The following APC variants were observed in gnomAD, a reference collection of about 807,000 sequenced individuals.
APC encodes APC regulator of Wnt signaling pathway.
A neutral mutation model predicts 247.0 loss-of-function variants in APC; 72 were observed. That is an observed-to-expected ratio of 0.29 (90% CI 0.24 to 0.35). APC has a LOEUF of 0.35. Ranked by LOEUF, APC falls within the 10% of genes least tolerant of loss-of-function variation. The pLI, the probability that APC is intolerant of heterozygous loss-of-function variation, is 1.00. For synonymous variants in APC, 1,254 were observed against 1,162.5 expected (o/e 1.08, Z -1.60); for missense variants, 3,400 against 3,360.7 (o/e 1.01, Z -0.29).
In APC at chr5:112,841,206, A is replaced by G; in HGVS notation, c.5612A>G (p.Asp1871Gly). 6.2e-7 allele frequency: 1 copy of G among 1,613,928 alleles called. No individual in the cohort carries two copies. Among genetic ancestry groups the G allele is most frequent in the Non-Finnish European group, 8.5e-7 (1 of 1,179,862 alleles). The change falls in exon 16 of 16, where the codon GAT (aspartate) becomes GGT (glycine). Residue 1871 changes from aspartate (D) to glycine (G), a missense_variant. Physicochemically the swap from Asp to Gly is moderately conservative, Grantham distance 94 (BLOSUM62 -1). Around this residue, in one of 9 missense-constraint regions of APC, gnomAD observed 1,788 missense variants for 1,649.5 expected, o/e 1.08. Transcript: ENST00000257430. The surrounding 1 kb of genome is among the most constrained non-coding windows in gnomAD (Gnocchi z 4.6). ...SLSSLDFDDD[D>G]VDLSREKAEL... is the part of the protein sequence containing the mutation. The stretch of plus-strand genomic sequence containing the variant: ...AGTTCTCTAGATTTTGATGATGATG[A>G]TGTTGACCTTTCCAGGGAAAAGGCT...
intron 10 of APC, among the ~76,000 whole-genome samples, chr5:112,820,368 G>C (rs1009306161): frequency 6.6e-6 from 1 of 152,144 alleles, no homozygotes; most frequent in Non-Finnish European, 1.5e-5. Context: ...GGATAAGAAA[G>C]GCCAGGTGTG....
chr5:112,744,746 G>A lies in APC; in HGVS notation c.-19+6821G>A, dbSNP rs531790731. ...GAGGAAAGTGAGGAGAGACTTACTT[G>A]AGGAAGGTTATCTTGGAACTTAATA... On this transcript the variant is annotated intron_variant, in intron 1 of 15. Coordinates refer to ENST00000257430, the MANE Select transcript of APC (RefSeq NM_000038.6). Among the ~76,000 whole-genome samples, 33 of 152,334 alleles carry A rather than the reference G, an allele frequency of 2.2e-4. No homozygotes were observed. The East Asian group carries it at 5.0e-3, about 23-fold the overall frequency.
upstream of APC, among the ~76,000 whole-genome samples, chr5:112,737,642 G>C (rs1302545937): frequency 6.6e-6 from 1 of 152,256 alleles, no homozygotes; most frequent in East Asian, 1.9e-4. Flanking sequence ...GCTTGCTGGG[G>C]ACTGGGGCCG....
At position 112,814,466 on chromosome 5, in the gene APC, G is replaced by A. The variant is rs1003268058; in HGVS notation, c.835-1029G>A. 1.5e-4 allele frequency among the ~76,000 whole-genome samples: 23 copies of A among 152,080 alleles called. 1 individual carries two copies. Among genetic ancestry groups the A allele is most frequent in the Admixed American group, 1.5e-3 (23 of 15,266 alleles). ...AGCTTGACACCTCCAAGTTGTCCTC[G>A]ACTCCCAGCCCCTCTTTACTCACAT... On this transcript the variant is annotated intron_variant, in intron 8 of 15. Transcript: ENST00000257430.
intron 3 of APC, among the ~76,000 whole-genome samples, chr5:112,766,977 T>C (rs1756405381): frequency 6.6e-6 from 1 of 152,186 alleles, no homozygotes; most frequent in African/African-American, 2.4e-5. Context: ...AGGAAGTACA[T>C]TTTATCTAAT....
In APC at chr5:112,840,500, G is replaced by T. The variant is rs730882128; in HGVS notation, c.4906G>T (p.Asp1636Tyr). 15 of 1,614,040 alleles carry T rather than the reference G, an allele frequency of 9.3e-6. No individual in the cohort carries two copies. Among genetic ancestry groups the T allele is most frequent in the Non-Finnish European group, 1.1e-5 (13 of 1,180,028 alleles). The change falls in exon 16 of 16, where the codon GAT becomes TAT. Residue 1636 changes from aspartate to tyrosine, a missense_variant. Asp to Tyr is a radical substitution (Grantham distance 160, BLOSUM62 -3). Around this residue, in one of 9 missense-constraint regions of APC, gnomAD observed 1,788 missense variants for 1,649.5 expected, o/e 1.08. Transcript: ENST00000257430. The surrounding 1 kb of genome is among the most constrained non-coding windows in gnomAD (Gnocchi z 4.1). ...PQKHVSFTPG[D>Y]DMPRVYCVEG... ...AAAGCATGTTAGTTTTACACCGGGG[G>T]ATGATATGCCACGGGTGTATTGTGT...
intron 1 of APC, among the ~76,000 whole-genome samples, chr5:112,714,152 T>C (rs1751025468): frequency 6.6e-6 from 1 of 152,210 alleles, no homozygotes; most frequent in South Asian, 2.1e-4. Context: ...AATAGAGTTG[T>C]GGTTCCCCTT....
At chr5:112,773,153 A>G (rs944082029) in intron 4 of APC, among the ~76,000 whole-genome samples, 2 of 152,212 alleles carry the variant, frequency 1.3e-5, no homozygotes, top group South Asian at 2.1e-4. Context: ...AGGTTGCCAC[A>G]TAAGAACAAA....
intron 8 of APC, among the ~76,000 whole-genome samples, chr5:112,814,862 G>A (rs1762335288): frequency 6.6e-6 from 1 of 152,218 alleles, no homozygotes; most frequent in Non-Finnish European, 1.5e-5. Flanking sequence ...CCTTTGCACA[G>A]TCTCCTCCGT....
At chr5:112,766,108 A>G (rs762985685) in intron 2 of APC, among the ~76,000 whole-genome samples, 9 of 152,116 alleles carry the variant, frequency 5.9e-5, no homozygotes, top group African/African-American at 9.7e-5. Context: ...AATACCTTGC[A>G]CAGAGACTCC....
intron 2 of APC, among the ~76,000 whole-genome samples, chr5:112,763,276 T>A (rs1245464318): frequency 5.3e-5 from 8 of 152,072 alleles, no homozygotes; most frequent in Non-Finnish European, 2.9e-5. Flanking sequence ...TCACCAGAGG[T>A]AAAAGTAACC....
intron 1 of APC, among the ~76,000 whole-genome samples, chr5:112,716,046 T>C (rs1471798032): frequency 2.0e-5 from 3 of 152,146 alleles, no homozygotes; most frequent in Non-Finnish European, 4.4e-5. Flanking sequence ...CAGTAGTCTT[T>C]CCAGAGAACC....
intron 1 of APC, among the ~76,000 whole-genome samples, chr5:112,751,245 A>G (rs964798071): frequency 6.6e-6 from 1 of 152,222 alleles, no homozygotes. Flanking sequence ...TATTGGTACA[A>G]TATAGTTAAC....
At chr5:112,742,601 A>G (rs763943579) in intron 1 of APC, among the ~76,000 whole-genome samples, 2 of 152,214 alleles carry the variant, frequency 1.3e-5, no homozygotes, top group African/African-American at 2.4e-5. Flanking sequence ...TATTGGCAAG[A>G]GACCTCAGTT....
chr5:112,810,459 C>A, intron 8 of APC: 1 of 183,344 alleles, frequency 5.5e-6, no homozygotes, highest in Non-Finnish European at 1.1e-5. Flanking sequence ...CAAAAATAGC[C>A]AAAGAAAGGA....
intron 1 of APC, among the ~76,000 whole-genome samples, chr5:112,747,651 G>T (rs1581097961): frequency 6.6e-6 from 1 of 152,020 alleles, no homozygotes; most frequent in Non-Finnish European, 1.5e-5. Flanking sequence ...AAATAAAGAT[G>T]GGAGCTTACA....
At chr5:112,792,869 C>T (rs1390454083) in intron 7 of APC, among the ~76,000 whole-genome samples, 1 of 151,972 alleles carries the variant, frequency 6.6e-6, no homozygotes, top group Admixed American at 6.6e-5. Context: ...ACACATTTAC[C>T]TGTGTTTACT....
intron 10 of APC, among the ~76,000 whole-genome samples, chr5:112,821,171 A>C (rs1031962259): frequency 6.6e-6 from 1 of 151,686 alleles, no homozygotes; most frequent in African/African-American, 2.4e-5. Flanking sequence ...ACCTAGCACC[A>C]TGTGCTTTTA....
At chr5:112,821,673 G>A (rs1763143762) in intron 10 of APC, among the ~76,000 whole-genome samples, 1 of 152,110 alleles carries the variant, frequency 6.6e-6, no homozygotes, top group Admixed American at 6.6e-5. Flanking sequence ...TTAGTCAAGG[G>A]CAGATGAGTG....
Sources: allele counts gnomAD v4.1 joint callset (sites outside exome capture counted in the v4.1 genomes callset), GRCh38; gene constraint gnomAD v4.1.1; regional missense constraint gnomAD v4.1.1; non-coding constraint Gnocchi (gnomAD v3.1); transcripts MANE v1.5; gene names NCBI Gene and HGNC (gene_info 2026-07-23, HGNC 2026-07-21).